SHOC2: variants seen among roughly 807,000 people sequenced by gnomAD.
SHOC2 encodes the protein leucine-rich repeat protein SHOC-2.
In SHOC2, 4 loss-of-function variants were observed where a neutral mutation model predicts 50.2. The observed-to-expected ratio is 0.08, with a 90% confidence interval of 0.04 to 0.18. The LOEUF (loss-of-function observed/expected upper bound fraction) is 0.18, where lower values mean the gene tolerates loss of function less well. Ranked by LOEUF, SHOC2 falls within the 10% of genes least tolerant of loss-of-function variation. The pLI is 1.00. For missense variants in SHOC2, 388 were observed against 669.6 expected (o/e 0.58, Z 4.64); for synonymous variants, 218 against 244.5 (o/e 0.89, Z 1.01).
At chr10:110,919,718 T>A in intron 1 of SHOC2, 61 bp downstream of exon 1, 2 of 397,018 alleles carry the variant, frequency 5.0e-6, no homozygotes, top group East Asian at 7.2e-5. Flanking sequence ...CCTGCCTTCC[T>A]GTCCGTCGGG....
intron 4 of SHOC2, among the ~76,000 whole-genome samples, chr10:111,004,038 C>T (rs939359308): frequency 6.6e-6 from 1 of 152,046 alleles, no homozygotes; most frequent in Non-Finnish European, 1.5e-5. Context: ...CATATATGCC[C>T]TCAGAAATTT....
chr10:110,933,567 A>G (rs906003532), intron 1 of SHOC2, among the ~76,000 whole-genome samples: 3 of 152,208 alleles, frequency 2.0e-5, no homozygotes, highest in Admixed American at 1.3e-4. Flanking sequence ...AGTAGGGGAA[A>G]TATATGAGGT....
chr10:110,928,702 C>T (rs1003957494), intron 1 of SHOC2, among the ~76,000 whole-genome samples: 6 of 152,100 alleles, frequency 3.9e-5, no homozygotes, highest in Non-Finnish European at 8.8e-5. Flanking sequence ...TGAGACCAGC[C>T]TGGGCAGCAT....
chr10:110,921,186 G>A (rs1311328499), intron 1 of SHOC2, among the ~76,000 whole-genome samples: 1 of 152,144 alleles, frequency 6.6e-6, no homozygotes, highest in Non-Finnish European at 1.5e-5. Context: ...TTTATAATTT[G>A]AATTTATCAA....
intron 3 of SHOC2, among the ~76,000 whole-genome samples, chr10:110,994,170 A>C (rs1317112219): frequency 6.6e-6 from 1 of 152,174 alleles, no homozygotes; most frequent in Non-Finnish European, 1.5e-5. Context: ...GGAAATTAAA[A>C]TTTTATCAGA....
At position 110,989,022 on chromosome 10, in the gene SHOC2, T is replaced by C. The variant is rs1199845027; in HGVS notation, c.841+3257T>C. The C allele has an allele frequency of 1.2e-5, 6 of 505,794 alleles. No homozygotes were observed. The East Asian group carries it at 2.8e-4, about 24-fold the overall frequency. 31.3% of individuals were successfully genotyped at this position (505,794 alleles called of 1,614,324 possible). On this transcript the variant is annotated intron_variant, in intron 3 of 8. Coordinates refer to ENST00000369452, the MANE Select transcript of SHOC2 (RefSeq NM_007373.4). ...GCACCAACCTGATAGAAGAATGTTA[T>C]TTTGTTCCCAAAAGCTTGACAATTT...
In SHOC2 at chr10:110,949,053, A is replaced by G. The variant is rs1847301470; in HGVS notation, c.-234-15072A>G. Among the ~76,000 whole-genome samples, 3 of 152,138 alleles carry G rather than the reference A, an allele frequency of 2.0e-5. No homozygotes were observed. The South Asian group carries it at 6.2e-4, about 31-fold the overall frequency. ...GAAGCCAAAAGATTGGAAACCTTGT[A>G]CTAGAATCCAAACCAGACATAAAGT... On this transcript the variant is annotated intron_variant, in intron 1 of 8. Coordinates refer to ENST00000369452, the MANE Select transcript of SHOC2 (RefSeq NM_007373.4).
intron 1 of SHOC2, among the ~76,000 whole-genome samples, chr10:110,925,102 AAAG>A (rs1846739986): frequency 6.6e-6 from 1 of 151,498 alleles, no homozygotes; most frequent in African/African-American, 2.4e-5. Flanking sequence ...ATTAAAATAA[AAAG>A]CAATACTTAA....
rs1049778920 is a variant in SHOC2 at position 110,936,536 on chromosome 10, C to A, written c.-235+16879C>A. The A allele has an allele frequency of 1.8e-5, 11 of 626,686 alleles. No individual in the cohort carries two copies. The African/African-American group carries it at 1.9e-4, about 11-fold the overall frequency. The allele number at this position is 626,686 out of a possible 1,614,324, so 38.8% of individuals were successfully genotyped here. A position where few individuals can be genotyped will look rare whatever the true frequency, so the allele number is the denominator to read the frequency against. ...GTAATTTTACTATTGCAGTATTTAT[C>A]TTGATTAGTCTGCATCAGCTTTTCT... On this transcript the variant is annotated intron_variant, in intron 1 of 8. Coordinates refer to ENST00000369452, the MANE Select transcript of SHOC2 (RefSeq NM_007373.4).
At chr10:110,987,040 T>TTAA (rs1329194824) in intron 3 of SHOC2, among the ~76,000 whole-genome samples, 1 of 152,148 alleles carries the variant, frequency 6.6e-6, no homozygotes, top group Non-Finnish European at 1.5e-5. Context: ...TTGAGGTTGA[T>TTAA]GACTAGAGTC....
rs185174874 is a variant in SHOC2, at chr10:110,932,717, G to A, written c.-235+13060G>A. Among the ~76,000 whole-genome samples, 352 of 152,152 alleles carry A rather than the reference G, an allele frequency of 2.3e-3. 4 individuals carry two copies. The highest frequency in any genetic ancestry group is 8.1e-3 in the African/African-American group (335 of 41,524). On this transcript the variant is annotated intron_variant, in intron 1 of 8. Coordinates refer to ENST00000369452, the MANE Select transcript of SHOC2 (RefSeq NM_007373.4). ...GCTAATTCAGGTGCCTTCCCTTTGT[G>A]CTTCAACAGCACTTACTCGACTTTT...
At chr10:110,968,737 T>C (rs1847723227) in intron 2 of SHOC2, among the ~76,000 whole-genome samples, 1 of 152,070 alleles carries the variant, frequency 6.6e-6, no homozygotes, top group Non-Finnish European at 1.5e-5. Flanking sequence ...AGGAGTTGGC[T>C]GGGCAGTCAG....
intron 1 of SHOC2, among the ~76,000 whole-genome samples, chr10:110,959,516 G>A (rs751111377): frequency 3.2e-4 from 49 of 152,162 alleles, no homozygotes; most frequent in Non-Finnish European, 5.6e-4. Flanking sequence ...CCAAAATACT[G>A]TAGCTAAAAA....
At chr10:110,932,264 CAT>C (rs1253055868) in intron 1 of SHOC2, among the ~76,000 whole-genome samples, 5 of 152,160 alleles carry the variant, frequency 3.3e-5, no homozygotes, top group Non-Finnish European at 5.9e-5. Flanking sequence ...ATCTTCAAGA[CAT>C]GTGAATTATT....
chr10:110,957,113 A>C lies in SHOC2; in HGVS notation c.-234-7012A>C, dbSNP rs142689281. Among the ~76,000 whole-genome samples the C allele has an allele frequency of 3.2e-3, 484 of 152,322 alleles. 26 individuals are homozygous for C. The South Asian group carries it at 0.092, about 29-fold the overall frequency. ...TGCTGATCTTTGTATTTAAGTTTGG[A>C]AATAGCAATATTCATAAATGGGTAC... is the stretch of plus-strand genomic sequence containing the variant. On this transcript the variant is annotated intron_variant, in intron 1 of 8. Transcript: ENST00000369452.
intron 1 of SHOC2, among the ~76,000 whole-genome samples, chr10:110,957,421 C>G (rs1158087079): frequency 6.6e-6 from 1 of 151,974 alleles, no homozygotes; most frequent in Non-Finnish European, 1.5e-5. Context: ...TATACCGACT[C>G]TTTGACTTAA....
At chr10:111,008,440 A>G (rs947540453) in intron 6 of SHOC2, among the ~76,000 whole-genome samples, 3 of 152,066 alleles carry the variant, frequency 2.0e-5, no homozygotes, top group Middle Eastern at 3.4e-3. Flanking sequence ...GAGTGTAATT[A>G]TCTCTGTATA....
chr10:110,944,214 G>A (rs940283110), intron 1 of SHOC2, among the ~76,000 whole-genome samples: 1 of 152,040 alleles, frequency 6.6e-6, no homozygotes, highest in Non-Finnish European at 1.5e-5. Flanking sequence ...ATTCTGTTGT[G>A]ATACTGTTTT....
At chr10:110,942,683 T>A (rs2134092955) in intron 1 of SHOC2, among the ~76,000 whole-genome samples, 1 of 152,352 alleles carries the variant, frequency 6.6e-6, no homozygotes, top group Admixed American at 6.5e-5. Context: ...CTCTTTCATG[T>A]ATATTTGAAT....
Sources: allele counts gnomAD v4.1 joint callset (sites outside exome capture counted in the v4.1 genomes callset), GRCh38; gene constraint gnomAD v4.1.1; transcripts MANE v1.5; gene names NCBI Gene and HGNC (gene_info 2026-07-23, HGNC 2026-07-21).